The following KIF1A variants were observed in gnomAD, a reference collection of about 807,000 sequenced individuals.
The protein encoded by KIF1A is kinesin family member 1A, also known as kinesin-like protein KIF1A.
KIF1A carries 46 observed loss-of-function variants against 227.3 expected under a neutral mutation model. The ratio of observed to expected loss-of-function variants is 0.20; its 90% CI spans 0.16 to 0.26. KIF1A has a LOEUF of 0.26. Among genes scored for constraint, KIF1A ranks in the 10% least tolerant of loss-of-function variants. The pLI, the probability that KIF1A is intolerant of heterozygous loss-of-function variation, is 1.00. For missense variants in KIF1A, 1,683 were observed against 2,485.9 expected, an observed-to-expected ratio of 0.68 and a Z score of 6.87; for synonymous variants, 1,022 against 1,012.8, an observed-to-expected ratio of 1.01 and a Z score of -0.17.
chr2:240,734,623 A>G (rs568273558), intron 38 of KIF1A: 3 of 884,554 alleles, frequency 3.4e-6, no homozygotes, highest in African/African-American at 1.7e-5. Context: ...CTGGAAGTTA[A>G]CTTCTCAGGG....
At chr2:240,780,414 C>G (rs1315749337) in intron 10 of KIF1A, among the ~76,000 whole-genome samples, 1 of 152,118 alleles carries the variant, frequency 6.6e-6, no homozygotes, top group Non-Finnish European at 1.5e-5. Flanking sequence ...ATTCCCCACA[C>G]ACTTCCCGCC....
chr2:240,763,149 G>T lies in KIF1A; in HGVS notation c.1949+17C>A. 3 of 1,606,370 alleles carry T rather than the reference G, an allele frequency of 1.9e-6. No homozygotes were observed. Among genetic ancestry groups the T allele is most frequent in the Non-Finnish European group, 2.5e-6 (3 of 1,178,478 alleles). The stretch of plus-strand genomic sequence containing the variant: ...GCAGGAGGGGCAGCAGGCAGTTGGG[G>T]GTGGCCTCCGCCTCACCTCTGCTCC... On this transcript the variant is annotated intron_variant, in intron 21 of 48. Transcript: ENST00000498729.
chr2:240,817,416 G>T (rs1275890558), intron 1 of KIF1A, among the ~76,000 whole-genome samples: 1 of 152,150 alleles, frequency 6.6e-6, no homozygotes, highest in East Asian at 1.9e-4. Context: ...GACCTAGAGA[G>T]GTCCCCAGAC....
chr2:240,818,267 C>T (rs888762397), intron 1 of KIF1A, among the ~76,000 whole-genome samples: 3 of 152,172 alleles, frequency 2.0e-5, no homozygotes, highest in Non-Finnish European at 4.4e-5. Flanking sequence ...TTCATCCGGG[C>T]CCTGCCTTGG....
chr2:240,719,691 C>T (rs2045051837), intron 46 of KIF1A, 83 bp downstream of exon 46: 2 of 1,397,092 alleles, frequency 1.4e-6, no homozygotes, highest in East Asian at 5.4e-5. Flanking sequence ...TCCCTGTGCC[C>T]CCAGTATGGG....
chr2:240,800,487 A>G (rs1339500368), intron 1 of KIF1A, among the ~76,000 whole-genome samples: 1 of 152,182 alleles, frequency 6.6e-6, no homozygotes, highest in East Asian at 1.9e-4. Flanking sequence ...TGGCCTCCGC[A>G]GCACAGCCTC....
At chr2:240,782,180 C>G (rs536502065) in intron 10 of KIF1A, 4 of 985,402 alleles carry the variant, frequency 4.1e-6, no homozygotes, top group East Asian at 1.1e-4. Context: ...CCCGCCTCCC[C>G]CTGTGGCCCC....
chr2:240,758,425 A>G lies in KIF1A; in HGVS notation c.2517T>C (p.Cys839=), dbSNP rs1575583595. The part of the protein sequence containing the change: ...AEVPSSVIED[C]DNVVTGGDPF... The stretch of plus-strand genomic sequence containing the variant: ...GGTCTCCGCCGGTCACCACGTTGTC[A>G]CAGTCCTCGATGACACTGGAGGGCA... The change falls in exon 26 of 49, where the codon TGT becomes TGC. Residue 839 remains cysteine (C), a synonymous_variant. Transcript: ENST00000498729. This position sits in a 1 kb window ranked among gnomAD's most constrained non-coding sequence, Gnocchi z 5.2. The G allele has an allele frequency of 6.2e-7, 1 of 1,612,790 alleles. No homozygotes were observed. The highest frequency in any genetic ancestry group is 8.5e-7 in the Non-Finnish European group (1 of 1,179,316).
chr2:240,749,612 G>A (rs2048988532), intron 28 of KIF1A, among the ~76,000 whole-genome samples: 1 of 152,170 alleles, frequency 6.6e-6, no homozygotes, highest in South Asian at 2.1e-4. Flanking sequence ...GGCACAAGCC[G>A]CCTGTTGCCC....
chr2:240,779,067 G>A (rs993802151), intron 10 of KIF1A, among the ~76,000 whole-genome samples: 1 of 150,908 alleles, frequency 6.6e-6, no homozygotes, highest in Admixed American at 6.6e-5. Context: ...TCCACACTCA[G>A]TTCCTCACAG....
At chr2:240,732,790 AAGGGATGAGGGGATG>A (rs2046885450) in intron 38 of KIF1A, among the ~76,000 whole-genome samples, 1 of 27,422 alleles carries the variant, frequency 3.6e-5, no homozygotes, top group Non-Finnish European at 7.4e-5. Flanking sequence ...ATGAGGGGAT[AAGGGATGAGGGGATG>A]AGGGAGGGAC....
chr2:240,722,383 G>T, intron 43 of KIF1A, 73 bp downstream of exon 43: 2 of 1,426,608 alleles, frequency 1.4e-6, no homozygotes, highest in Non-Finnish European at 1.9e-6. Flanking sequence ...CGGGTTGCTG[G>T]AGTTGCCCAG....
chr2:240,817,997 C>T (rs990667254), intron 1 of KIF1A, among the ~76,000 whole-genome samples: 2 of 152,216 alleles, frequency 1.3e-5, no homozygotes, highest in African/African-American at 4.8e-5. Flanking sequence ...TGTGGCTGGC[C>T]GGCTGGAGCC....
rs2050064416 is a variant in KIF1A, at chr2:240,757,906, T to C, written c.2583-312A>G. Among the ~76,000 whole-genome samples, 1 of 152,074 alleles carries C rather than the reference T, an allele frequency of 6.6e-6. No homozygotes were observed. Among genetic ancestry groups the C allele is most frequent in the Non-Finnish European group, 1.5e-5 (1 of 68,008 alleles). On this transcript the variant is annotated intron_variant, in intron 26 of 48. Transcript: ENST00000498729. This position sits in a 1 kb window ranked among gnomAD's most constrained non-coding sequence, Gnocchi z 6.2. Reference sequence around the variant, plus strand: ...TCGAGAGTTTGGCCACGTTGAGGCCTCAGAATACCACGGTCCCATGGGGTG... The same window carrying C: ...TCGAGAGTTTGGCCACGTTGAGGCCCCAGAATACCACGGTCCCATGGGGTG...
intron 2 of KIF1A, among the ~76,000 whole-genome samples, chr2:240,796,184 C>T (rs569700617): frequency 2.6e-5 from 4 of 152,328 alleles, no homozygotes; most frequent in East Asian, 1.9e-4. Context: ...AGCCATGGTT[C>T]GCACCTGAGG....
At chr2:240,764,503 C>T (rs926163257) in intron 20 of KIF1A, among the ~76,000 whole-genome samples, 1 of 152,170 alleles carries the variant, frequency 6.6e-6, no homozygotes, top group Admixed American at 6.5e-5. Flanking sequence ...ACAGGCAGGA[C>T]TCCTGAGTCC....
At chr2:240,738,571 C>G (rs1456915974) in intron 37 of KIF1A, among the ~76,000 whole-genome samples, 1 of 152,166 alleles carries the variant, frequency 6.6e-6, no homozygotes, top group East Asian at 1.9e-4. Flanking sequence ...TGCCCTGAGT[C>G]CAATCACAGG....
chr2:240,816,685 C>T (rs1303309299), intron 1 of KIF1A, among the ~76,000 whole-genome samples: 1 of 152,198 alleles, frequency 6.6e-6, no homozygotes, highest in Non-Finnish European at 1.5e-5. Context: ...TTTAGAGAGG[C>T]AGCAGCCCCT....
In KIF1A at chr2:240,763,491, G is replaced by A. The variant is rs1043158067; in HGVS notation, c.1769-145C>T. On this transcript the variant is annotated intron_variant, in intron 20 of 48. Coordinates refer to ENST00000498729, the MANE Select transcript of KIF1A (RefSeq NM_001244008.2). ...CCCAGCCACTCCTTCTTCAGCCCTCGCTGGGACCTGAATGTGTCTCCTCAC... is the reference window on the plus strand; with the variant it reads ...CCCAGCCACTCCTTCTTCAGCCCTCACTGGGACCTGAATGTGTCTCCTCAC... 58 of 740,534 alleles carry A rather than the reference G, an allele frequency of 7.8e-5. No individual in the cohort carries two copies. The African/African-American group carries it at 8.8e-4, about 11-fold the overall frequency. The allele number at this position is 740,534 out of a possible 1,614,324, so 45.9% of individuals were successfully genotyped here.
Sources: gnomAD v4.1 joint callset for allele counts (sites outside exome capture counted in the v4.1 genomes callset) on GRCh38, gnomAD v4.1.1 for gene constraint, Gnocchi (gnomAD v3.1) non-coding constraint, MANE v1.5 for transcripts, NCBI Gene and HGNC (gene_info 2026-07-23, HGNC 2026-07-21) for gene names.